Variants in CNGA3 observed in about 807,000 individuals in gnomAD.
CNGA3 encodes cyclic nucleotide gated channel subunit alpha 3.
In CNGA3, 42 loss-of-function variants were observed where a neutral mutation model predicts 46.6. The ratio of observed to expected loss-of-function variants is 0.90; its 90% confidence interval spans 0.70 to 1.17. The LOEUF (loss-of-function observed/expected upper bound fraction) is 1.17, where lower values mean the gene tolerates loss of function less well. Among genes scored for constraint, CNGA3 ranks in the 50% most tolerant of loss-of-function variants. CNGA3 has a pLI of 0.00. For synonymous variants in CNGA3, 394 were observed against 369.4 expected (o/e 1.07, Z -0.76); for missense variants, 893 against 890.7 (o/e 1.00, Z -0.03).
chr2:98,389,565 G>A, intron 5 of CNGA3, 93 bp from the exon 6 acceptor site: 1 of 1,092,068 alleles, frequency 9.2e-7, no homozygotes, highest in Non-Finnish European at 1.4e-6. Flanking sequence ...CACATCTTGG[G>A]CTTCAGCCTG....
At position 98,380,314 on chromosome 2, in the gene CNGA3, G is replaced by A. The variant is rs772689125; in HGVS notation, c.355G>A (p.Ala119Thr). 6.2e-7 allele frequency: 1 copy of A among 1,614,194 alleles called. No individual in the cohort carries two copies. Among genetic ancestry groups the A allele is most frequent in the Non-Finnish European group, 8.5e-7 (1 of 1,180,024 alleles). ...EVSSQESNAQANVGSQEPADR... is the reference protein window; with the variant it reads ...EVSSQESNAQTNVGSQEPADR... Reference sequence around the variant, plus strand: ...GTCCAGCCAAGAAAGCAATGCCCAGGCAAATGTGGGCAGCCAGGAGCCAGC... The same window carrying A: ...GTCCAGCCAAGAAAGCAATGCCCAGACAAATGTGGGCAGCCAGGAGCCAGC... The change falls in exon 4 of 8, where the codon GCA becomes ACA. Residue 119 changes from alanine (A) to threonine (T), a missense_variant. Ala to Thr is a moderately conservative substitution (Grantham distance 58, BLOSUM62 0). Coordinates refer to ENST00000272602, the MANE Select transcript of CNGA3 (RefSeq NM_001298.3).
intron 2 of CNGA3, chr2:98,377,465 G>A: frequency 1.8e-6 from 1 of 552,732 alleles, no homozygotes; most frequent in South Asian, 1.9e-5. Context: ...ACCTAGCCCT[G>A]GACAGTAGCT....
chr2:98,367,330 G>T (rs896210914), intron 1 of CNGA3, among the ~76,000 whole-genome samples: 1 of 151,808 alleles, frequency 6.6e-6, no homozygotes, highest in African/African-American at 2.4e-5. Context: ...GAGTAGCTGG[G>T]ACTACAGGCA....
chr2:98,386,143 A>G (rs906817990), intron 5 of CNGA3, among the ~76,000 whole-genome samples: 8 of 152,190 alleles, frequency 5.3e-5, no homozygotes, highest in Admixed American at 3.9e-4. Context: ...TAAGTGCTCA[A>G]TAAATATTGA....
At chr2:98,385,937 G>A (rs1692644233) in intron 5 of CNGA3, among the ~76,000 whole-genome samples, 1 of 152,114 alleles carries the variant, frequency 6.6e-6, no homozygotes, top group Non-Finnish European at 1.5e-5. Flanking sequence ...CCAAGGAATT[G>A]GTGCCAAACC....
intron 7 of CNGA3, among the ~76,000 whole-genome samples, chr2:98,393,548 A>G (rs146872464): frequency 2.4e-4 from 36 of 152,306 alleles, no homozygotes; most frequent in Admixed American, 1.4e-3. Flanking sequence ...ACACAGGCTG[A>G]GGCTTGCGTG....
intron 1 of CNGA3, among the ~76,000 whole-genome samples, chr2:98,364,326 C>T (rs994128131): frequency 3.9e-5 from 6 of 152,084 alleles, no homozygotes; most frequent in African/African-American, 4.8e-5. Flanking sequence ...TGCAGTGACC[C>T]GAGATTGCAC....
chr2:98,388,292 G>C (rs1276284035), intron 5 of CNGA3, among the ~76,000 whole-genome samples: 4 of 152,160 alleles, frequency 2.6e-5, no homozygotes, highest in African/African-American at 9.7e-5. Context: ...AGAACGAAGA[G>C]AAAAAAGAAG....
intron 1 of CNGA3, among the ~76,000 whole-genome samples, chr2:98,352,538 G>A (rs1691790205): frequency 6.6e-6 from 1 of 152,136 alleles, no homozygotes; most frequent in African/African-American, 2.4e-5. Flanking sequence ...ATCACATTGT[G>A]GAAAATGGTT....
intron 2 of CNGA3, among the ~76,000 whole-genome samples, chr2:98,371,714 G>T (rs1012971619): frequency 6.6e-6 from 1 of 152,314 alleles, no homozygotes; most frequent in African/African-American, 2.4e-5. Flanking sequence ...CTAAGTTAAG[G>T]CATTGCTCCT....
intron 1 of CNGA3, among the ~76,000 whole-genome samples, chr2:98,359,922 T>C (rs549541248): frequency 7.2e-5 from 11 of 152,256 alleles, no homozygotes; most frequent in African/African-American, 2.6e-4. Flanking sequence ...ATTCAGACCA[T>C]AGCTGGAGCA....
At chr2:98,382,744 C>T (rs777439363) in intron 4 of CNGA3, among the ~76,000 whole-genome samples, 2 of 152,216 alleles carry the variant, frequency 1.3e-5, no homozygotes, top group Non-Finnish European at 2.9e-5. Flanking sequence ...CCAGTTTGTG[C>T]AAAACCAGCC....
chr2:98,350,133 C>T (rs566286587), intron 1 of CNGA3, among the ~76,000 whole-genome samples: 5 of 152,278 alleles, frequency 3.3e-5, no homozygotes, highest in South Asian at 4.2e-4. Flanking sequence ...AAAGTTAAAC[C>T]GGCTTCTGCC....
chr2:98,358,877 A>T (rs1691955086), intron 1 of CNGA3, among the ~76,000 whole-genome samples: 1 of 152,194 alleles, frequency 6.6e-6, no homozygotes, highest in Non-Finnish European at 1.5e-5. Flanking sequence ...AACTTGGCTC[A>T]CTCCTAAACC....
chr2:98,385,842 A>T (rs1692642627), intron 5 of CNGA3, among the ~76,000 whole-genome samples: 2 of 152,166 alleles, frequency 1.3e-5, no homozygotes, highest in South Asian at 4.1e-4. Flanking sequence ...AAGGAGTCTC[A>T]AACGGCAGGA....
At chr2:98,377,367 G>T (rs1051643261) in intron 2 of CNGA3, 1 of 298,702 alleles carries the variant, frequency 3.3e-6, no homozygotes, top group Admixed American at 4.4e-5. Context: ...AGCTGCTTTG[G>T]CTTGAAATGG....
Position 98,358,467 on chromosome 2 carries a change from CT to C in CNGA3, c.-37-11471del, listed in dbSNP as rs560835762. On this transcript the variant is annotated intron_variant, in intron 1 of 7. Coordinates refer to ENST00000272602, the MANE Select transcript of CNGA3 (RefSeq NM_001298.3). ...TTCTGATGGAAGAACAAAGAATCCC[CT>C]ATGAAATTGTCATGCAAAAAAAAAT... Among the ~76,000 whole-genome samples, 117 of 152,184 alleles carry C rather than the reference CT, an allele frequency of 7.7e-4. 2 individuals are homozygous for C. The highest frequency in any genetic ancestry group is 2.7e-3 in the African/African-American group (113 of 41,512).
At chr2:98,353,747 G>T (rs1026600119) in intron 1 of CNGA3, among the ~76,000 whole-genome samples, 3 of 152,204 alleles carry the variant, frequency 2.0e-5, no homozygotes, top group Non-Finnish European at 2.9e-5. Context: ...TCAGCTCATA[G>T]TTCTGCAGAT....
rs367813696 is a variant in CNGA3, at chr2:98,393,872, A to G, written c.673+1902A>G. ...GGAGGCTGGAGGCACAGGAGGCTAC[A>G]TAATGATCAAGGCCCTCAGTAACGC... On this transcript the variant is annotated intron_variant, in intron 7 of 7. Coordinates refer to ENST00000272602, the MANE Select transcript of CNGA3 (RefSeq NM_001298.3). 2.6e-4 allele frequency among the ~76,000 whole-genome samples: 40 copies of G among 152,116 alleles called. No individual in the cohort carries two copies. In the South Asian group the frequency reaches 8.3e-3, roughly 32 times the overall value.
Sources: allele counts gnomAD v4.1 joint callset (sites outside exome capture counted in the v4.1 genomes callset), GRCh38; gene constraint gnomAD v4.1.1; transcripts MANE v1.5; gene names NCBI Gene and HGNC (gene_info 2026-07-23, HGNC 2026-07-21).